FOXN2: variants seen among roughly 807,000 people sequenced by gnomAD.
FOXN2 encodes the protein forkhead box protein N2.
A neutral mutation model predicts 41.2 loss-of-function variants in FOXN2; 19 were observed. That is an observed-to-expected ratio of 0.46 (90% CI 0.32 to 0.68). The LOEUF is 0.68. Among genes scored for constraint, FOXN2 ranks in the 30% least tolerant of loss-of-function variants. The pLI is 0.03. For synonymous variants in FOXN2, 195 were observed against 176.8 expected, an observed-to-expected ratio of 1.10 and a Z score of -0.82; for missense variants, 587 against 509.4, an observed-to-expected ratio of 1.15 and a Z score of -1.47.
At chr2:48,352,541 G>A (rs563122605) in intron 3 of FOXN2, among the ~76,000 whole-genome samples, 22 of 152,086 alleles carry the variant, frequency 1.4e-4, no homozygotes, top group Admixed American at 5.2e-4. Context: ...TTAATATGTC[G>A]TCTGTGATCT....
chr2:48,332,388 A>G (rs965493332), intron 2 of FOXN2, among the ~76,000 whole-genome samples: 4 of 152,242 alleles, frequency 2.6e-5, no homozygotes, highest in Non-Finnish European at 5.9e-5. Flanking sequence ...GAAGGGTTCT[A>G]TCATGTTGCA....
Position 48,336,724 on chromosome 2 carries a change from A to G in FOXN2, c.-15+8022A>G, listed in dbSNP as rs530513705. ...ATGTATGCCTTTAAAAACAATATTC[A>G]TGTATATGGGGTTTAGGATAGAGAC... On this transcript the variant is annotated intron_variant, in intron 2 of 6. Transcript: ENST00000340553. Among the ~76,000 whole-genome samples, 18 of 152,196 alleles carry G rather than the reference A, an allele frequency of 1.2e-4. No individual in the cohort carries two copies. In the South Asian group the frequency reaches 3.7e-3, roughly 32 times the overall value.
chr2:48,372,226 G>A (rs747514565), intron 5 of FOXN2, among the ~76,000 whole-genome samples: 1 of 152,118 alleles, frequency 6.6e-6, no homozygotes, highest in Non-Finnish European at 1.5e-5. Flanking sequence ...TTTCATAGTG[G>A]CCAGCATCTG....
intron 5 of FOXN2, among the ~76,000 whole-genome samples, chr2:48,365,760 A>G (rs1672489630): frequency 6.6e-6 from 1 of 152,208 alleles, no homozygotes; most frequent in Admixed American, 6.5e-5. Flanking sequence ...ATTCTAGGTT[A>G]AAACAAATGC....
chr2:48,317,595 C>CTTTTTTTTTTT lies in FOXN2; in HGVS notation c.-157+2801_-157+2811dup, dbSNP rs574980247. On this transcript the variant is annotated intron_variant, in intron 1 of 6. Coordinates refer to ENST00000340553, the MANE Select transcript of FOXN2 (RefSeq NM_002158.4). ...ACAATGCCTATAGCCTATAGTATTG[C>CTTTTTTTTTTT]TTTTTTTTTTTTTTTTTTTTTTTTT... Among the ~76,000 whole-genome samples, 145 of 34,756 alleles carry CTTTTTTTTTTT rather than the reference C, an allele frequency of 4.2e-3. 43 individuals carry two copies. Among genetic ancestry groups the CTTTTTTTTTTT allele is most frequent in the Non-Finnish European group, 6.7e-3 (117 of 17,486 alleles). The allele number at this position is 34,756 out of a possible 152,430, so 22.8% of individuals were successfully genotyped here. A position where few individuals can be genotyped will look rare whatever the true frequency, so the allele number is the denominator to read the frequency against.
chr2:48,336,433 A>G (rs957405573), intron 2 of FOXN2, among the ~76,000 whole-genome samples: 1 of 140,520 alleles, frequency 7.1e-6, no homozygotes, highest in African/African-American at 2.8e-5. Flanking sequence ...ATATATATGT[A>G]TATGTGTGTG....
chr2:48,377,311 A>G lies in FOXN2; in HGVS notation c.*1868A>G, dbSNP rs1413439940. 3 of 152,160 alleles carry G rather than the reference A, an allele frequency of 2.0e-5. No homozygotes were observed. The highest frequency in any genetic ancestry group is 2.1e-4 in the South Asian group (1 of 4,828). 9.4% of individuals were successfully genotyped at this position (152,160 alleles called of 1,614,324 possible). On this transcript the variant is annotated 3_prime_UTR_variant, in exon 7 of 7. Coordinates refer to ENST00000340553, the MANE Select transcript of FOXN2 (RefSeq NM_002158.4). ...TGAATAAAACACCAAAAACCCAAAA[A>G]TGCTTTAACCACAGTATAAATAATA...
upstream of FOXN2, among the ~76,000 whole-genome samples, chr2:48,314,327 G>C (rs1466420554): frequency 6.6e-6 from 1 of 152,248 alleles, no homozygotes; most frequent in Non-Finnish European, 1.5e-5. Flanking sequence ...CCTCGGACAT[G>C]CGAGGCCTTT....
At chr2:48,329,413 GT>G (rs1215063332) in intron 2 of FOXN2, among the ~76,000 whole-genome samples, 2 of 151,972 alleles carry the variant, frequency 1.3e-5, no homozygotes, top group East Asian at 1.9e-4. Flanking sequence ...GTTGGAGAAG[GT>G]TTTCCCCCCA....
chr2:48,346,432 G>A lies in FOXN2; in HGVS notation c.218G>A (p.Ser73Asn). 1 of 1,614,172 alleles carries A rather than the reference G, an allele frequency of 6.2e-7. No individual in the cohort carries two copies. The highest frequency in any genetic ancestry group is 1.1e-5 in the South Asian group (1 of 91,086). ...HESTNLLTNFSLGSEGLPIVS... is the reference protein window; with the variant it reads ...HESTNLLTNFNLGSEGLPIVS... ...AGCACTAATCTTCTAACAAACTTCA[G>A]CCTCGGAAGTGAGGGTCTTCCAATT... Residue 73 changes from serine (S) to asparagine (N), a missense_variant, in exon 3 of 7, where the codon AGC becomes AAC. Coordinates refer to ENST00000340553, the MANE Select transcript of FOXN2 (RefSeq NM_002158.4).
chr2:48,317,023 C>T (rs1395386790), intron 1 of FOXN2, among the ~76,000 whole-genome samples: 1 of 152,108 alleles, frequency 6.6e-6, no homozygotes, highest in Non-Finnish European at 1.5e-5. Flanking sequence ...AGTATATATG[C>T]TAACCACTGA....
At chr2:48,335,439 A>G (rs1014262247) in intron 2 of FOXN2, among the ~76,000 whole-genome samples, 1 of 151,460 alleles carries the variant, frequency 6.6e-6, no homozygotes, top group Non-Finnish European at 1.5e-5. Flanking sequence ...AACATTTTTA[A>G]GAGAAAAGAC....
rs567199843 is a variant in FOXN2 at position 48,340,107 on chromosome 2, C to T, written c.-14-6094C>T. On this transcript the variant is annotated intron_variant, in intron 2 of 6. Transcript: ENST00000340553. ...GTATAAAGAAAAAACCTTTTGTTAA[C>T]TCGGTCTTTAATCAGTTAAAAGTGT... Among the ~76,000 whole-genome samples, 13 of 152,250 alleles carry T rather than the reference C, an allele frequency of 8.5e-5. No individual in the cohort carries two copies. The South Asian group carries it at 2.7e-3, about 32-fold the overall frequency.
chr2:48,344,215 GTTTA>G (rs1558624211), intron 2 of FOXN2, among the ~76,000 whole-genome samples: 3 of 152,186 alleles, frequency 2.0e-5, no homozygotes, highest in South Asian at 2.1e-4. Context: ...ATATGTGAAT[GTTTA>G]TTTATGTGTG....
intron 3 of FOXN2, among the ~76,000 whole-genome samples, chr2:48,350,395 GTGGCACA>G (rs1671375544): frequency 6.6e-6 from 1 of 152,248 alleles, no homozygotes; most frequent in Admixed American, 6.5e-5. Flanking sequence ...CTTTCTTCTA[GTGGCACA>G]TGGCACATTG....
In FOXN2 at chr2:48,356,349, G is replaced by A. The variant is rs544556498; in HGVS notation, c.538-2698G>A. Among the ~76,000 whole-genome samples the A allele has an allele frequency of 3.1e-4, 47 of 152,012 alleles. 1 individual carries two copies. Among genetic ancestry groups the A allele is most frequent in the African/African-American group, 1.0e-3 (42 of 41,456 alleles). On this transcript the variant is annotated intron_variant, in intron 3 of 6. Coordinates refer to ENST00000340553, the MANE Select transcript of FOXN2 (RefSeq NM_002158.4). ...CCAGCTACTTGGGAGGCTGAGGCAA[G>A]GGAATCGTCCGAACCTGGGAGGCGG...
intron 5 of FOXN2, 70 bp downstream of exon 5, chr2:48,362,777 C>A: frequency 8.1e-7 from 1 of 1,235,770 alleles, no homozygotes; most frequent in Non-Finnish European, 1.2e-6. Flanking sequence ...CAGTGCATAA[C>A]AATGGTGGTC....
intron 1 of FOXN2, among the ~76,000 whole-genome samples, chr2:48,320,831 T>G (rs1447518885): frequency 6.6e-6 from 1 of 152,168 alleles, no homozygotes; most frequent in Admixed American, 6.5e-5. Flanking sequence ...AACTAATATT[T>G]ATAGAATGCT....
At chr2:48,321,758 C>T (rs1669336369) in intron 1 of FOXN2, among the ~76,000 whole-genome samples, 1 of 151,432 alleles carries the variant, frequency 6.6e-6, no homozygotes, top group Non-Finnish European at 1.5e-5. Flanking sequence ...AATTTTAGTA[C>T]ATTATACATG....
Sources: gnomAD v4.1 joint callset for allele counts (sites outside exome capture counted in the v4.1 genomes callset) on GRCh38, gnomAD v4.1.1 for gene constraint, MANE v1.5 for transcripts, NCBI Gene and HGNC (gene_info 2026-07-23, HGNC 2026-07-21) for gene names.